Variants in PPIB observed in about 807,000 individuals in gnomAD.
The protein encoded by PPIB is peptidyl-prolyl cis-trans isomerase B.
A neutral mutation model predicts 20.1 loss-of-function variants in PPIB; 15 were observed. That is an observed-to-expected ratio of 0.75 (90% CI 0.50 to 1.15). The LOEUF (loss-of-function observed/expected upper bound fraction) is 1.15. Ranked by LOEUF, PPIB falls within the 50% of genes most tolerant of loss-of-function variation. The probability of loss-of-function intolerance (pLI) is 0.00; values close to 1 mark genes in which losing one functional copy is unlikely to be tolerated. For synonymous variants in PPIB, 129 were observed against 111.0 expected (o/e 1.16, Z -1.02); for missense variants, 278 against 283.0 (o/e 0.98, Z 0.13).
Position 64,161,907 on chromosome 15 carries a change from C to T in PPIB, c.249+134G>A. 1.3e-6 allele frequency: 1 copy of T among 773,618 alleles called. No individual in the cohort carries two copies. Among genetic ancestry groups the T allele is most frequent in the South Asian group, 1.4e-5 (1 of 73,704 alleles). 47.9% of individuals were successfully genotyped at this position (773,618 alleles called of 1,614,324 possible). A position where few individuals can be genotyped will look rare whatever the true frequency, so the allele number is the denominator to read the frequency against. ...TCTTAAGAAAGGGCAATACTGTGTT[C>T]CCAGGGCAACAGGCAGTCGGTGCTC... On this transcript the variant is annotated intron_variant, in intron 2 of 4. Transcript: ENST00000300026. The surrounding 1 kb of genome is among the most constrained non-coding windows in gnomAD (Gnocchi z 4.2).
chr15:64,162,821 G>A (rs777640170), intron 1 of PPIB, 31 bp downstream of exon 1: 6 of 1,604,310 alleles, frequency 3.7e-6, no homozygotes, highest in South Asian at 1.1e-5. Context: ...CCCGAGCTCC[G>A]GCACCGTAAA....
rs967610868 is a variant in PPIB, at chr15:64,159,417, T to G, written c.343+687A>C. On this transcript the variant is annotated intron_variant, in intron 3 of 4. Coordinates refer to ENST00000300026, the MANE Select transcript of PPIB (RefSeq NM_000942.5). This position sits in a 1 kb window ranked among gnomAD's most constrained non-coding sequence, Gnocchi z 5.1. ...TGCTCCCACTCTTTTTTTTATTTTT[T>G]TGAGATGGAGTCTCGCTCTGTCGCC... 2 of 153,280 alleles carry G rather than the reference T, an allele frequency of 1.3e-5. No individual in the cohort carries two copies. The highest frequency in any genetic ancestry group is 1.5e-5 in the Non-Finnish European group (1 of 68,904). The allele number at this position is 153,280 out of a possible 1,614,324, so 9.5% of individuals were successfully genotyped here. A position where few individuals can be genotyped will look rare whatever the true frequency, so the allele number is the denominator to read the frequency against.
chr15:64,162,643 A>G (rs1456875808), intron 1 of PPIB, among the ~76,000 whole-genome samples: 2 of 152,086 alleles, frequency 1.3e-5, no homozygotes, highest in Non-Finnish European at 2.9e-5. Context: ...CCAGATGGGT[A>G]TCCGGGGATC....
At position 64,155,905 on chromosome 15, in the gene PPIB, G is replaced by A. The variant is rs541426098; in HGVS notation, c.*118C>T. The A allele has an allele frequency of 4.7e-6, 7 of 1,482,038 alleles. No homozygotes were observed. In the African/African-American group the frequency reaches 9.7e-5, roughly 21 times the overall value. 91.8% of individuals were successfully genotyped at this position (1,482,038 alleles called of 1,614,324 possible). On this transcript the variant is annotated 3_prime_UTR_variant, in exon 5 of 5. Coordinates refer to ENST00000300026, the MANE Select transcript of PPIB (RefSeq NM_000942.5). ...AAGTGAGTCCATGGGCCTGTGGAAT[G>A]TGAGGGGAGTGGGTCCGCTCCACCA...
In PPIB at chr15:64,157,305, G is replaced by A; in HGVS notation, c.344-396C>T. 4.3e-6 allele frequency: 1 copy of A among 232,142 alleles called. No homozygotes were observed. The highest frequency in any genetic ancestry group is 5.1e-5 in the Admixed American group (1 of 19,686). 14.4% of individuals were successfully genotyped at this position (232,142 alleles called of 1,614,324 possible). ...CGGAACTCTCCAGAAAAGGAGGACT[G>A]CTGTGGCTGACCAGCCTGTTTTCCT... On this transcript the variant is annotated intron_variant, in intron 3 of 4. Coordinates refer to ENST00000300026, the MANE Select transcript of PPIB (RefSeq NM_000942.5). The surrounding 1 kb of genome is among the most constrained non-coding windows in gnomAD (Gnocchi z 4.2).
Position 64,156,911 on chromosome 15 carries a change from T to TG in PPIB, c.344-3dup. The stretch of plus-strand genomic sequence containing the variant: ...AGCGCTCACCGTAGATGCTCTTTCC[T>TG]GGGAAAAAAGACAGAGCAGGTCAGG... On this transcript the variant is annotated splice_region_variant and splice_polypyrimidine_tract_variant and intron_variant, in intron 3 of 4. Transcript: ENST00000300026. This position sits in a 1 kb window ranked among gnomAD's most constrained non-coding sequence, Gnocchi z 6.4. The TG allele has an allele frequency of 6.2e-7, 1 of 1,613,926 alleles. No individual in the cohort carries two copies. The highest frequency in any genetic ancestry group is 8.5e-7 in the Non-Finnish European group (1 of 1,179,918).
rs1396963918 is a variant in PPIB at position 64,156,202 on chromosome 15, G to A, written c.529-57C>T. 1 of 1,607,906 alleles carries A rather than the reference G, an allele frequency of 6.2e-7. No individual in the cohort carries two copies. The highest frequency in any genetic ancestry group is 1.3e-5 in the African/African-American group (1 of 74,814). ...GGTGGATCAGGAGGTCCACCGCTCA[G>A]GAGAAAGGCCCCAGCGTATGGCTCA... On this transcript the variant is annotated intron_variant, in intron 4 of 4. Transcript: ENST00000300026. This position sits in a 1 kb window ranked among gnomAD's most constrained non-coding sequence, Gnocchi z 6.4.
rs1425655712 is a variant in PPIB, at chr15:64,162,860, T to G, written c.127A>C (p.Thr43Pro). 6.2e-7 allele frequency: 1 copy of G among 1,611,224 alleles called. No homozygotes were observed. Among genetic ancestry groups the G allele is most frequent in the Non-Finnish European group, 8.5e-7 (1 of 1,179,068 alleles). Reference sequence around the variant, plus strand: ...CGCGGACTCCACCGGACCTTGACGGTGACTTTGGGCCCCTTCTTCTTCTCA... The same window carrying G: ...CGCGGACTCCACCGGACCTTGACGGGGACTTTGGGCCCCTTCTTCTTCTCA... Reference protein sequence around the residue: ...ADEKKKGPKVTVKVYFDLRIG... With the variant: ...ADEKKKGPKVPVKVYFDLRIG... Residue 43 changes from threonine to proline, a missense_variant, in exon 1 of 5, where the codon ACC becomes CCC. By Grantham distance (38) the Thr-to-Pro change is conservative. Transcript: ENST00000300026.
Position 64,162,102 on chromosome 15 carries a change from C to T in PPIB, c.188G>A (p.Gly63Asp), listed in dbSNP as rs1285687079. 6.2e-7 allele frequency: 1 copy of T among 1,614,048 alleles called. No homozygotes were observed. The highest frequency in any genetic ancestry group is 1.3e-5 in the African/African-American group (1 of 74,904). ...TTTTGGAACAGTCTTTCCGAAGAGA[C>T]CAAAGATCACCCGGCCTACATCTTC... The part of the protein sequence containing the change: ...GDEDVGRVIF[G>D]LFGKTVPKTV... Residue 63 changes from glycine (G) to aspartate (D), a missense_variant, in exon 2 of 5, where the codon GGT becomes GAT. By Grantham distance (94) the Gly-to-Asp change is moderately conservative. Transcript: ENST00000300026.
rs994585913 is a variant in PPIB, at chr15:64,159,101, G to T, written c.343+1003C>A. Among the ~76,000 whole-genome samples the T allele has an allele frequency of 1.3e-5, 2 of 152,212 alleles. No homozygotes were observed. The highest frequency in any genetic ancestry group is 2.4e-5 in the African/African-American group (1 of 41,458). On this transcript the variant is annotated intron_variant, in intron 3 of 4. Transcript: ENST00000300026. The surrounding 1 kb of genome is among the most constrained non-coding windows in gnomAD (Gnocchi z 5.1). ...TACAGTTCTTTGGTCTCCTTTGTGA[G>T]CCTGAGTCCTAAACGCTGCATCATG... is the stretch of plus-strand genomic sequence containing the variant.
chr15:64,156,839 C>T lies in PPIB; in HGVS notation c.414G>A (p.Val138=). ...FKLKHYGPGW[V]SMANAGKDTN... ...TGTCTTTGCCTGCGTTGGCCATGCT[C>T]ACCCAGCCAGGCCCGTAGTGCTTCA... The change falls in exon 4 of 5, where the codon GTG becomes GTA. Residue 138 remains valine, a synonymous_variant. Coordinates refer to ENST00000300026, the MANE Select transcript of PPIB (RefSeq NM_000942.5). This position sits in a 1 kb window ranked among gnomAD's most constrained non-coding sequence, Gnocchi z 6.4. The T allele has an allele frequency of 6.2e-7, 1 of 1,614,208 alleles. No homozygotes were observed. The highest frequency in any genetic ancestry group is 1.1e-5 in the South Asian group (1 of 91,084).
In PPIB at chr15:64,159,132, C is replaced by A. The variant is rs2081551158; in HGVS notation, c.343+972G>T. ...GTCCTAAACGCTGCATCATGGCTCA[C>A]TTGTACATTTTCAGTTGTTGGAAGT... On this transcript the variant is annotated intron_variant, in intron 3 of 4. Coordinates refer to ENST00000300026, the MANE Select transcript of PPIB (RefSeq NM_000942.5). The surrounding 1 kb of genome is among the most constrained non-coding windows in gnomAD (Gnocchi z 5.1). The A allele has an allele frequency of 1.3e-5, 2 of 152,214 alleles. No individual in the cohort carries two copies. The highest frequency in any genetic ancestry group is 1.5e-5 in the Non-Finnish European group (1 of 68,048). 9.4% of individuals were successfully genotyped at this position (152,214 alleles called of 1,614,324 possible).
rs2081566234 is a variant in PPIB at position 64,162,054 on chromosome 15, A to T, written c.236T>A (p.Leu79Ter). 12 of 1,612,214 alleles carry T rather than the reference A, an allele frequency of 7.4e-6. No homozygotes were observed. The highest frequency in any genetic ancestry group is 1.0e-5 in the Non-Finnish European group (12 of 1,178,320). The change falls in exon 2 of 5, where the codon TTA becomes TAA. Residue 79 changes from leucine to a stop codon, truncating the protein, a stop_gained. Transcript: ENST00000300026. LOFTEE classifies it high-confidence loss of function. ...CCAGCCACTTACCTCTCCTGTAGCT[A>T]AGGCCACAAAATTATCCACTGTTTT... is the stretch of plus-strand genomic sequence containing the variant. ...VPKTVDNFVA[L>*]ATGEKGFGYK...
rs1319600764 is a variant in PPIB at position 64,161,269 on chromosome 15, TTTAA to T, written c.249+768_249+771del. Among the ~76,000 whole-genome samples the T allele has an allele frequency of 2.6e-5, 4 of 151,922 alleles. No homozygotes were observed. The highest frequency in any genetic ancestry group is 2.1e-4 in the South Asian group (1 of 4,822). On this transcript the variant is annotated intron_variant, in intron 2 of 4. Coordinates refer to ENST00000300026, the MANE Select transcript of PPIB (RefSeq NM_000942.5). This position sits in a 1 kb window ranked among gnomAD's most constrained non-coding sequence, Gnocchi z 4.2. ...GAGTTACTGCGCCCGGCCTTTTATT[TTTAA>T]TTAATTTATTTTTTTTTTGAGACAG...
rs5813282 is a variant in PPIB, at chr15:64,155,820, TAAA to T, written c.*200_*202del. On this transcript the variant is annotated 3_prime_UTR_variant, in exon 5 of 5. Coordinates refer to ENST00000300026, the MANE Select transcript of PPIB (RefSeq NM_000942.5). ...AGAACCAGGCCCACACATTATATATTAAAAAAAAAAAAACCCACATTTTTTTTT... is the reference window on the plus strand; with the variant it reads ...AGAACCAGGCCCACACATTATATATTAAAAAAAAAACCCACATTTTTTTTT... 6 of 532,278 alleles carry T rather than the reference TAAA, an allele frequency of 1.1e-5. No homozygotes were observed. The Admixed American group carries it at 1.3e-4, about 12-fold the overall frequency. The allele number at this position is 532,278 out of a possible 1,614,324, so 33.0% of individuals were successfully genotyped here.
rs2081533428 is a variant in PPIB, at chr15:64,156,598, C to T, written c.528+127G>A. ...GTACAGGGTTTATTCTGGACAGGAG[C>T]ACTGGGCTGCATCTGTGGGTTGGGT... On this transcript the variant is annotated intron_variant, in intron 4 of 4. Transcript: ENST00000300026. The surrounding 1 kb of genome is among the most constrained non-coding windows in gnomAD (Gnocchi z 6.4). 8.9e-7 allele frequency: 1 copy of T among 1,126,472 alleles called. No homozygotes were observed. The highest frequency in any genetic ancestry group is 1.4e-6 in the Non-Finnish European group (1 of 738,274). The allele number at this position is 1,126,472 out of a possible 1,614,324, so 69.8% of individuals were successfully genotyped here.
Position 64,160,175 on chromosome 15 carries a change from C to T in PPIB, c.272G>A (p.Ser91Asn). The change falls in exon 3 of 5, where the codon AGC becomes AAC. Residue 91 changes from serine (S) to asparagine (N), a missense_variant. Transcript: ENST00000300026. The surrounding 1 kb of genome is among the most constrained non-coding windows in gnomAD (Gnocchi z 4.8). ...GTCCTTGATTACACGATGGAATTTG[C>T]TGTTTTTGTAGCCAAATCCTTTCTA... is the stretch of plus-strand genomic sequence containing the variant. ...TGEKGFGYKN[S>N]KFHRVIKDFM... The T allele has an allele frequency of 1.2e-6, 2 of 1,613,988 alleles. No homozygotes were observed. Among genetic ancestry groups the T allele is most frequent in the Middle Eastern group, 1.6e-4 (1 of 6,062 alleles).
chr15:64,155,922 G>A lies in PPIB; in HGVS notation c.*101C>T, dbSNP rs1333990776. 9.5e-6 allele frequency: 15 copies of A among 1,573,492 alleles called. No homozygotes were observed. The highest frequency in any genetic ancestry group is 4.1e-5 in the African/African-American group (3 of 74,062). ...TGTGGAATGTGAGGGGAGTGGGTCC[G>A]CTCCACCAGATGCCAGCACCGGGGC... On this transcript the variant is annotated 3_prime_UTR_variant, in exon 5 of 5. Coordinates refer to ENST00000300026, the MANE Select transcript of PPIB (RefSeq NM_000942.5).
rs1439303885 is a variant in PPIB at position 64,160,057 on chromosome 15, T to A, written c.343+47A>T. The A allele has an allele frequency of 6.6e-7, 1 of 1,505,970 alleles. No homozygotes were observed. The highest frequency in any genetic ancestry group is 9.2e-7 in the Non-Finnish European group (1 of 1,081,740). 93.3% of individuals were successfully genotyped at this position (1,505,970 alleles called of 1,614,324 possible). ...CCAGCAGAACCTGGCCCTCCCACTG[T>A]GGAGGCTACACTGACATACTCCTTG... is the stretch of plus-strand genomic sequence containing the variant. On this transcript the variant is annotated intron_variant, in intron 3 of 4. Transcript: ENST00000300026. This position sits in a 1 kb window ranked among gnomAD's most constrained non-coding sequence, Gnocchi z 4.8.
Sources: gnomAD v4.1 joint callset for allele counts (sites outside exome capture counted in the v4.1 genomes callset) on GRCh38, gnomAD v4.1.1 for gene constraint, Gnocchi (gnomAD v3.1) non-coding constraint, MANE v1.5 for transcripts, NCBI Gene and HGNC (gene_info 2026-07-23, HGNC 2026-07-21) for gene names.